The following NNAT variants were observed in gnomAD, a reference collection of about 807,000 sequenced individuals.
The protein encoded by NNAT is neuronatin.
A neutral mutation model predicts 12.7 loss-of-function variants in NNAT; 8 were observed. The observed-to-expected ratio is 0.63, with a 90% CI of 0.37 to 1.14. The LOEUF is 1.14. NNAT is among the 50% of genes most tolerant of loss of function. The probability of loss-of-function intolerance (pLI) is 0.01; values close to 1 mark genes in which losing one functional copy is unlikely to be tolerated. For missense variants in NNAT, 94 were observed against 108.3 expected, an observed-to-expected ratio of 0.87 and a Z score of 0.59; for synonymous variants, 52 against 48.5, an observed-to-expected ratio of 1.07 and a Z score of -0.30.
rs1440934821 is a variant in NNAT, at chr20:37,522,417, A to G, written c.132A>G (p.Thr44=). The G allele has an allele frequency of 6.2e-7, 1 of 1,614,010 alleles. No individual in the cohort carries two copies. The highest frequency in any genetic ancestry group is 8.5e-7 in the Non-Finnish European group (1 of 1,179,994). The part of the protein sequence containing the change: ...VGFAFRNPPG[T]QPIARSEVFR... ...TCGCTTTTCGAAATCCTCCAGGGAC[A>G]CAGCCCATTGCGAGAAGTGAGGTAT... Residue 44 remains threonine (T), a synonymous_variant, in exon 2 of 3, where the codon ACA becomes ACG. Transcript: ENST00000649451.
chr20:37,521,306 A>C lies in NNAT; in HGVS notation c.-26A>C. 18 of 1,612,670 alleles carry C rather than the reference A, an allele frequency of 1.1e-5. No individual in the cohort carries two copies. Among genetic ancestry groups the C allele is most frequent in the Non-Finnish European group, 1.5e-5 (18 of 1,178,864 alleles). Reference sequence around the variant, plus strand: ...GGATCTCGGCAAACCCTCTTTCTCGACCACCCACCTACCATTCTTGGAACC... The same window carrying C: ...GGATCTCGGCAAACCCTCTTTCTCGCCCACCCACCTACCATTCTTGGAACC... On this transcript the variant is annotated 5_prime_UTR_variant, in exon 1 of 3. Transcript: ENST00000649451. The surrounding 1 kb of genome is among the most constrained non-coding windows in gnomAD (Gnocchi z 4.5).
rs1330775582 is a variant in NNAT, at chr20:37,522,905, T to C, written c.*146T>C. 3.1e-6 allele frequency: 2 copies of C among 642,466 alleles called. No individual in the cohort carries two copies. Among genetic ancestry groups the C allele is most frequent in the African/African-American group, 1.8e-5 (1 of 54,472 alleles). 39.8% of individuals were successfully genotyped at this position (642,466 alleles called of 1,614,324 possible). On this transcript the variant is annotated 3_prime_UTR_variant, in exon 3 of 3. Transcript: ENST00000649451. ...CTTGGCAAGGTCAGTGAGGGGCCAG[T>C]AGACCCCCGGAGAAGCAGTACCGAC...
At position 37,521,417 on chromosome 20, in the gene NNAT, G is replaced by A. The variant is rs772850717; in HGVS notation, c.72+14G>A. 1 of 1,613,782 alleles carries A rather than the reference G, an allele frequency of 6.2e-7. No homozygotes were observed. Among genetic ancestry groups the A allele is most frequent in the Middle Eastern group, 1.6e-4 (1 of 6,062 alleles). On this transcript the variant is annotated intron_variant, in intron 1 of 2. Coordinates refer to ENST00000649451, the MANE Select transcript of NNAT (RefSeq NM_005386.4). This position sits in a 1 kb window ranked among gnomAD's most constrained non-coding sequence, Gnocchi z 4.5. ...GTGCTGCTGCAGGTAAGTCTGACGG[G>A]GTTTCGGGTGGGAGAGGGTTCCCAA...
Position 37,522,993 on chromosome 20 carries a change from C to T in NNAT, c.*234C>T, listed in dbSNP as rs1371110329. On this transcript the variant is annotated 3_prime_UTR_variant, in exon 3 of 3. Transcript: ENST00000649451. Reference sequence around the variant, plus strand: ...CACCGGTCCCACTAAGGGGCAGGGTCGAGAGAGGAGGGGGGATAGGGGGAG... The same window carrying T: ...CACCGGTCCCACTAAGGGGCAGGGTTGAGAGAGGAGGGGGGATAGGGGGAG... 5 of 472,168 alleles carry T rather than the reference C, an allele frequency of 1.1e-5. No homozygotes were observed. The highest frequency in any genetic ancestry group is 4.0e-5 in the African/African-American group (2 of 50,204). The allele number at this position is 472,168 out of a possible 1,614,324, so 29.2% of individuals were successfully genotyped here.
rs1455513831 is a variant in NNAT, at chr20:37,521,464, A to T, written c.72+61A>T. 30 of 1,527,800 alleles carry T rather than the reference A, an allele frequency of 2.0e-5. No homozygotes were observed. The highest frequency in any genetic ancestry group is 2.7e-5 in the Non-Finnish European group (30 of 1,101,512). The allele number at this position is 1,527,800 out of a possible 1,614,324, so 94.6% of individuals were successfully genotyped here. A position where few individuals can be genotyped will look rare whatever the true frequency, so the allele number is the denominator to read the frequency against. On this transcript the variant is annotated intron_variant, in intron 1 of 2. Transcript: ENST00000649451. The surrounding 1 kb of genome is among the most constrained non-coding windows in gnomAD (Gnocchi z 4.5). Reference sequence around the variant, plus strand: ...CCAACTCGCGCCCCTAGAACCCGCAAGACTGCGTCGCGATTGCCGCTTCCC... The same window carrying T: ...CCAACTCGCGCCCCTAGAACCCGCATGACTGCGTCGCGATTGCCGCTTCCC...
chr20:37,522,568 CGGGCGGGGCAGG>C, intron 2 of NNAT, 87 bp from the exon 3 acceptor site: 1 of 588,262 alleles, frequency 1.7e-6, no homozygotes. Flanking sequence ...GCTGGATGGG[CGGGCGGGGCAGG>C]GGGTGGGGCG....
chr20:37,521,613 C>T lies in NNAT; in HGVS notation c.72+210C>T, dbSNP rs999458789. The T allele has an allele frequency of 1.8e-5, 10 of 569,252 alleles. No homozygotes were observed. The highest frequency in any genetic ancestry group is 1.9e-5 in the Non-Finnish European group (6 of 320,370). The allele number at this position is 569,252 out of a possible 1,614,324, so 35.3% of individuals were successfully genotyped here. A position where few individuals can be genotyped will look rare whatever the true frequency, so the allele number is the denominator to read the frequency against. On this transcript the variant is annotated intron_variant, in intron 1 of 2. Transcript: ENST00000649451. The surrounding 1 kb of genome is among the most constrained non-coding windows in gnomAD (Gnocchi z 4.5). ...CTGACCCTCCCTAGTGCGCCCGCGCCTGCCAGGGAACAAAGACTCGGGGCG... is the reference window on the plus strand; with the variant it reads ...CTGACCCTCCCTAGTGCGCCCGCGCTTGCCAGGGAACAAAGACTCGGGGCG...
chr20:37,521,301 T>C lies in NNAT; in HGVS notation c.-31T>C. The C allele has an allele frequency of 6.2e-7, 1 of 1,612,016 alleles. No individual in the cohort carries two copies. Among genetic ancestry groups the C allele is most frequent in the Non-Finnish European group, 8.5e-7 (1 of 1,178,220 alleles). Reference sequence around the variant, plus strand: ...CCAGCGGATCTCGGCAAACCCTCTTTCTCGACCACCCACCTACCATTCTTG... The same window carrying C: ...CCAGCGGATCTCGGCAAACCCTCTTCCTCGACCACCCACCTACCATTCTTG... On this transcript the variant is annotated 5_prime_UTR_variant, in exon 1 of 3. Coordinates refer to ENST00000649451, the MANE Select transcript of NNAT (RefSeq NM_005386.4). The surrounding 1 kb of genome is among the most constrained non-coding windows in gnomAD (Gnocchi z 4.5).
In NNAT at chr20:37,521,397, G is replaced by A; in HGVS notation, c.66G>A (p.Leu22=). ...TCGGCTGGTACATCTTCCGCGTGCT[G>A]CTGCAGGTAAGTCTGACGGGGTTTC... ...LIIGWYIFRV[L]LQVFLECCIY... Residue 22 remains leucine (L), a synonymous_variant, in exon 1 of 3, where the codon CTG becomes CTA. Transcript: ENST00000649451. The surrounding 1 kb of genome is among the most constrained non-coding windows in gnomAD (Gnocchi z 4.5). The A allele has an allele frequency of 6.2e-7, 1 of 1,614,114 alleles. No homozygotes were observed. The highest frequency in any genetic ancestry group is 8.5e-7 in the Non-Finnish European group (1 of 1,179,964).
chr20:37,522,234 A>G, intron 1 of NNAT, 124 bp from the exon 2 acceptor site: 1 of 530,526 alleles, frequency 1.9e-6, no homozygotes, highest in Non-Finnish European at 3.2e-6. Flanking sequence ...CGCTTGGTGT[A>G]AAAAGAGATA....
Position 37,522,445 on chromosome 20 carries a change from C to T in NNAT, c.153+7C>T, listed in dbSNP as rs952241675. The stretch of plus-strand genomic sequence containing the variant: ...GCCCATTGCGAGAAGTGAGGTATAC[C>T]TAAGTTGTGGGTCCAATCAGCTTGC... On this transcript the variant is annotated splice_region_variant and intron_variant, in intron 2 of 2. Coordinates refer to ENST00000649451, the MANE Select transcript of NNAT (RefSeq NM_005386.4). 1 of 1,612,558 alleles carries T rather than the reference C, an allele frequency of 6.2e-7. No homozygotes were observed. Among genetic ancestry groups the T allele is most frequent in the African/African-American group, 1.3e-5 (1 of 74,862 alleles).
rs972607411 is a variant in NNAT, at chr20:37,521,553, G to A, written c.72+150G>A. 9 of 758,862 alleles carry A rather than the reference G, an allele frequency of 1.2e-5. 1 individual carries two copies. The highest frequency in any genetic ancestry group is 3.3e-5 in the South Asian group (2 of 61,266). The allele number at this position is 758,862 out of a possible 1,614,324, so 47.0% of individuals were successfully genotyped here. The stretch of plus-strand genomic sequence containing the variant: ...CCAAGTGCCGCTGCCGGCACCGCGC[G>A]CCCCCTGCCCATTCCCTGCGCCGTC... On this transcript the variant is annotated intron_variant, in intron 1 of 2. Coordinates refer to ENST00000649451, the MANE Select transcript of NNAT (RefSeq NM_005386.4). The surrounding 1 kb of genome is among the most constrained non-coding windows in gnomAD (Gnocchi z 4.5).
At position 37,522,564 on chromosome 20, in the gene NNAT, T is replaced by C; in HGVS notation, c.154-103T>C. ...GCCCGCCTCTCCAGCCTACGCTGGA[T>C]GGGCGGGCGGGGCAGGGGGTGGGGC... On this transcript the variant is annotated intron_variant, in intron 2 of 2. Coordinates refer to ENST00000649451, the MANE Select transcript of NNAT (RefSeq NM_005386.4). The C allele has an allele frequency of 7.2e-6, 4 of 554,380 alleles. No homozygotes were observed. The South Asian group carries it at 1.9e-4, about 27-fold the overall frequency. The allele number at this position is 554,380 out of a possible 1,614,324, so 34.3% of individuals were successfully genotyped here. A position where few individuals can be genotyped will look rare whatever the true frequency, so the allele number is the denominator to read the frequency against.
rs1275607758 is a variant in NNAT, at chr20:37,522,756, C to T, written c.243C>T (p.Asn81=). The T allele has an allele frequency of 1.3e-5, 21 of 1,600,080 alleles. No homozygotes were observed. The highest frequency in any genetic ancestry group is 1.7e-5 in the Non-Finnish European group (20 of 1,174,170). Residue 81 remains asparagine (N), a synonymous_variant, in exon 3 of 3, where the codon AAC becomes AAT. Coordinates refer to ENST00000649451, the MANE Select transcript of NNAT (RefSeq NM_005386.4). ...GGGAGCGCAGGCAGCGAGCCCCCAA[C>T]TGAGGCCCCAGCTCCCAGCCCTGGG... is the stretch of plus-strand genomic sequence containing the variant. ...VLGERRQRAP[N]
rs534467744 is a variant in NNAT at position 37,522,501 on chromosome 20, G to A, written c.153+63G>A. 998 of 1,529,296 alleles carry A rather than the reference G, an allele frequency of 6.5e-4. 2 individuals carry two copies. Among genetic ancestry groups the A allele is most frequent in the Non-Finnish European group, 7.9e-4 (873 of 1,108,230 alleles). 94.7% of individuals were successfully genotyped at this position (1,529,296 alleles called of 1,614,324 possible). On this transcript the variant is annotated intron_variant, in intron 2 of 2. Coordinates refer to ENST00000649451, the MANE Select transcript of NNAT (RefSeq NM_005386.4). ...TGCAGCTCTCAGCACAGTTGGAAAA[G>A]CTCCAGCTGCCCTGACTCGTGGACA...
In NNAT at chr20:37,521,256, C is replaced by A; in HGVS notation, c.-76C>A. On this transcript the variant is annotated 5_prime_UTR_variant, in exon 1 of 3. Coordinates refer to ENST00000649451, the MANE Select transcript of NNAT (RefSeq NM_005386.4). This position sits in a 1 kb window ranked among gnomAD's most constrained non-coding sequence, Gnocchi z 4.5. ...CGGCCACCGCGGCTGCGGCAGTGCG[C>A]CCAACAGCGGACTCCGAGACCAGCG... 1 of 1,502,320 alleles carries A rather than the reference C, an allele frequency of 6.7e-7. No homozygotes were observed. Among genetic ancestry groups the A allele is most frequent in the Non-Finnish European group, 9.3e-7 (1 of 1,079,538 alleles). 93.1% of individuals were successfully genotyped at this position (1,502,320 alleles called of 1,614,324 possible). A position where few individuals can be genotyped will look rare whatever the true frequency, so the allele number is the denominator to read the frequency against.
chr20:37,521,798 GC>G lies in NNAT; in HGVS notation c.72+396del, dbSNP rs2071585327. The G allele has an allele frequency of 5.8e-6, 1 of 173,640 alleles. No individual in the cohort carries two copies. Among genetic ancestry groups the G allele is most frequent in the Admixed American group, 6.3e-5 (1 of 15,990 alleles). 10.8% of individuals were successfully genotyped at this position (173,640 alleles called of 1,614,324 possible). A position where few individuals can be genotyped will look rare whatever the true frequency, so the allele number is the denominator to read the frequency against. ...TGAAAATTTTCCACCTTAAAAAATT[GC>G]GCATTGCGGAGAAATTTTATTTAAA... On this transcript the variant is annotated intron_variant, in intron 1 of 2. Coordinates refer to ENST00000649451, the MANE Select transcript of NNAT (RefSeq NM_005386.4). This position sits in a 1 kb window ranked among gnomAD's most constrained non-coding sequence, Gnocchi z 4.5.
In NNAT at chr20:37,521,658, A is replaced by T. The variant is rs1460669468; in HGVS notation, c.72+255A>T. The T allele has an allele frequency of 2.0e-6, 1 of 507,856 alleles. No individual in the cohort carries two copies. Among genetic ancestry groups the T allele is most frequent in the African/African-American group, 2.0e-5 (1 of 50,742 alleles). The allele number at this position is 507,856 out of a possible 1,614,324, so 31.5% of individuals were successfully genotyped here. A position where few individuals can be genotyped will look rare whatever the true frequency, so the allele number is the denominator to read the frequency against. On this transcript the variant is annotated intron_variant, in intron 1 of 2. Coordinates refer to ENST00000649451, the MANE Select transcript of NNAT (RefSeq NM_005386.4). The surrounding 1 kb of genome is among the most constrained non-coding windows in gnomAD (Gnocchi z 4.5). ...GGGGCGCGGCGGGCGACCGCTGCGGACGATCACCCAGGCATTTAGCGACCT... is the reference window on the plus strand; with the variant it reads ...GGGGCGCGGCGGGCGACCGCTGCGGTCGATCACCCAGGCATTTAGCGACCT...
In NNAT at chr20:37,522,431, G is replaced by A. The variant is rs765621447; in HGVS notation, c.146G>A (p.Arg49Lys). The change falls in exon 2 of 3, where the codon AGA (arginine) becomes AAA (lysine). Residue 49 changes from arginine to lysine, a missense_variant. Transcript: ENST00000649451. ...RNPPGTQPIA[R>K]SEVFRYSLQK... is the part of the protein sequence containing the mutation. Reference sequence around the variant, plus strand: ...CCTCCAGGGACACAGCCCATTGCGAGAAGTGAGGTATACCTAAGTTGTGGG... The same window carrying A: ...CCTCCAGGGACACAGCCCATTGCGAAAAGTGAGGTATACCTAAGTTGTGGG... 6.2e-7 allele frequency: 1 copy of A among 1,613,768 alleles called. No individual in the cohort carries two copies. Among genetic ancestry groups the A allele is most frequent in the South Asian group, 1.1e-5 (1 of 91,068 alleles).
Sources: gnomAD v4.1 joint callset for allele counts on GRCh38, gnomAD v4.1.1 for gene constraint, Gnocchi (gnomAD v3.1) non-coding constraint, MANE v1.5 for transcripts, NCBI Gene and HGNC (gene_info 2026-07-23, HGNC 2026-07-21) for gene names.